The following TAX1BP1 variants were observed in gnomAD, a reference collection of about 807,000 sequenced individuals.
The protein encoded by TAX1BP1 is tax1-binding protein 1.
TAX1BP1 carries 62 observed loss-of-function variants against 97.7 expected under a neutral mutation model. The ratio of observed to expected loss-of-function variants is 0.63; its 90% CI spans 0.52 to 0.78. The LOEUF (loss-of-function observed/expected upper bound fraction) is 0.78. TAX1BP1 is among the 30% of genes least tolerant of loss of function. The probability of loss-of-function intolerance (pLI) is 0.00; values close to 1 mark genes in which losing one functional copy is unlikely to be tolerated. For synonymous variants in TAX1BP1, 340 were observed against 304.2 expected, an observed-to-expected ratio of 1.12 and a Z score of -1.23; for missense variants, 867 against 916.1, an observed-to-expected ratio of 0.95 and a Z score of 0.69.
At chr7:27,828,533 T>G (rs1281588507) in intron 16 of TAX1BP1, 95 bp from the exon 17 acceptor site, 13 of 1,164,912 alleles carry the variant, frequency 1.1e-5, no homozygotes, top group Non-Finnish European at 1.4e-5. Context: ...AGTATGAATA[T>G]CAGCTAACTA....
At chr7:27,824,584 A>G (rs1030938843) in intron 15 of TAX1BP1, among the ~76,000 whole-genome samples, 5 of 151,534 alleles carry the variant, frequency 3.3e-5, no homozygotes, top group Non-Finnish European at 5.9e-5. Context: ...TTACTGTTCA[A>G]ATGTCCAAGG....
At chr7:27,815,591 T>G (rs1227823883) in intron 13 of TAX1BP1, among the ~76,000 whole-genome samples, 1 of 152,222 alleles carries the variant, frequency 6.6e-6, no homozygotes, top group Non-Finnish European at 1.5e-5. Flanking sequence ...GGTCTCTAGT[T>G]TTTTTGTGAA....
At position 27,828,355 on chromosome 7, in the gene TAX1BP1, C is replaced by T. The variant is rs766233541; in HGVS notation, c.2169-273C>T. On this transcript the variant is annotated intron_variant, in intron 16 of 16. Coordinates refer to ENST00000396319, the MANE Select transcript of TAX1BP1 (RefSeq NM_006024.7). ...GGAAGAATTCTTGGTACTAATTTCA[C>T]GTAATTGTGATTGGATTTGGGAGGT... Among the ~76,000 whole-genome samples, 5 of 152,182 alleles carry T rather than the reference C, an allele frequency of 3.3e-5. No individual in the cohort carries two copies. The East Asian group carries it at 5.8e-4, about 18-fold the overall frequency.
Position 27,796,167 on chromosome 7 carries a change from A to G in TAX1BP1, c.1586A>G (p.Lys529Arg). 1 of 1,600,072 alleles carries G rather than the reference A, an allele frequency of 6.2e-7. No individual in the cohort carries two copies. The highest frequency in any genetic ancestry group is 1.3e-5 in the African/African-American group (1 of 74,108). The change falls in exon 12 of 17, where the codon AAA (lysine) becomes AGA (arginine). Residue 529 changes from lysine (K) to arginine (R), a missense_variant. Physicochemically the swap from Lys to Arg is conservative, Grantham distance 26. Transcript: ENST00000396319. ...AAGGGGCAAGTCTGTGAAATGACCAAAGAAATTGCTGACAAAACAGAAAAG... is the reference window on the plus strand; with the variant it reads ...AAGGGGCAAGTCTGTGAAATGACCAGAGAAATTGCTGACAAAACAGAAAAG... ...VTKGQVCEMTKEIADKTEKYN... is the reference protein window; with the variant it reads ...VTKGQVCEMTREIADKTEKYN...
chr7:27,791,677 A>T (rs1056627548), intron 8 of TAX1BP1, among the ~76,000 whole-genome samples: 1 of 152,156 alleles, frequency 6.6e-6, no homozygotes, highest in Admixed American at 6.5e-5. Flanking sequence ...CAGTATTTCT[A>T]GCTGAAGAGA....
Position 27,825,951 on chromosome 7 carries a change from A to G in TAX1BP1, c.2086-1787A>G, listed in dbSNP as rs145374098. ...TCCAATTATTTTCTTCAGCATTTCA[A>G]TATTTTGGATTTTTTTTTCAAAGAT... is the stretch of plus-strand genomic sequence containing the variant. On this transcript the variant is annotated intron_variant, in intron 15 of 16. Coordinates refer to ENST00000396319, the MANE Select transcript of TAX1BP1 (RefSeq NM_006024.7). 9.2e-3 allele frequency among the ~76,000 whole-genome samples: 1,394 copies of G among 152,222 alleles called. 62 individuals carry two copies. Among genetic ancestry groups the G allele is most frequent in the Admixed American group, 0.068 (1,046 of 15,298 alleles).
chr7:27,781,484 A>G (rs1789256884), intron 5 of TAX1BP1, among the ~76,000 whole-genome samples: 1 of 152,132 alleles, frequency 6.6e-6, no homozygotes, highest in Non-Finnish European at 1.5e-5. Context: ...GTGTATCTAA[A>G]CATATCTAGA....
At chr7:27,765,231 G>T (rs957871359) in intron 3 of TAX1BP1, among the ~76,000 whole-genome samples, 1 of 151,114 alleles carries the variant, frequency 6.6e-6, no homozygotes, top group East Asian at 2.0e-4. Context: ...GGCCAGGCTG[G>T]TCTCTAACTC....
chr7:27,815,463 T>A (rs191974537), intron 13 of TAX1BP1, among the ~76,000 whole-genome samples: 80 of 152,338 alleles, frequency 5.3e-4, no homozygotes, highest in Admixed American at 2.7e-3. Context: ...GCATTTGGTT[T>A]TTGGATGTTA....
intron 5 of TAX1BP1, chr7:27,772,052 A>G (rs1293043094): frequency 6.6e-6 from 1 of 152,054 alleles, no homozygotes; most frequent in Non-Finnish European, 1.5e-5. Flanking sequence ...AAAACCCTCT[A>G]AGTTATAAGA....
intron 7 of TAX1BP1, 87 bp downstream of exon 7, chr7:27,785,576 G>C: frequency 9.0e-7 from 1 of 1,105,612 alleles, no homozygotes; most frequent in Non-Finnish European, 1.3e-6. Context: ...CAATTTAGGA[G>C]CAGCTTAGCT....
chr7:27,803,571 A>G (rs1417980235), intron 13 of TAX1BP1, among the ~76,000 whole-genome samples: 1 of 152,202 alleles, frequency 6.6e-6, no homozygotes, highest in African/African-American at 2.4e-5. Flanking sequence ...TGACATTTGC[A>G]CTGTGTGAAA....
intron 5 of TAX1BP1, 103 bp from the exon 6 acceptor site, chr7:27,785,060 G>T (rs1789422592): frequency 8.5e-7 from 1 of 1,181,758 alleles, no homozygotes; most frequent in East Asian, 2.6e-5. Flanking sequence ...AACAAATGTG[G>T]GATTAAAATT....
intron 13 of TAX1BP1, among the ~76,000 whole-genome samples, chr7:27,805,011 G>A (rs1444480159): frequency 2.6e-5 from 4 of 152,136 alleles, no homozygotes; most frequent in Non-Finnish European, 5.9e-5. Context: ...TCTGGTGTTG[G>A]GGTGGTACCT....
chr7:27,753,992 T>A (rs1214645353), intron 2 of TAX1BP1, among the ~76,000 whole-genome samples: 1 of 152,206 alleles, frequency 6.6e-6, no homozygotes, highest in East Asian at 1.9e-4. Context: ...CTGTTCTAAT[T>A]GGAATTCTCA....
At chr7:27,777,577 A>G (rs764163635) in intron 5 of TAX1BP1, among the ~76,000 whole-genome samples, 2 of 152,072 alleles carry the variant, frequency 1.3e-5, no homozygotes, top group Non-Finnish European at 2.9e-5. Context: ...CCTCACACGC[A>G]TATGCTGATC....
At chr7:27,772,419 T>G (rs1788880576) in intron 5 of TAX1BP1, 1 of 152,050 alleles carries the variant, frequency 6.6e-6, no homozygotes, top group Non-Finnish European at 1.5e-5. Context: ...ATAATTTCAT[T>G]TAAAGTTTTG....
chr7:27,767,335 C>G (rs933743733), intron 4 of TAX1BP1, among the ~76,000 whole-genome samples: 2 of 151,686 alleles, frequency 1.3e-5, no homozygotes, highest in Admixed American at 6.6e-5. Context: ...TATTTAATAC[C>G]TTTGATTTTA....
intron 1 of TAX1BP1, among the ~76,000 whole-genome samples, chr7:27,744,765 G>T (rs1188184204): frequency 2.0e-5 from 3 of 152,174 alleles, no homozygotes; most frequent in Admixed American, 1.3e-4. Flanking sequence ...ACATTGAAAT[G>T]CTTCCCTGCC....
Sources: gnomAD v4.1 joint callset for allele counts (sites outside exome capture counted in the v4.1 genomes callset) on GRCh38, gnomAD v4.1.1 for gene constraint, MANE v1.5 for transcripts, NCBI Gene and HGNC (gene_info 2026-07-23, HGNC 2026-07-21) for gene names.